Variants in SLC22A23 observed in about 807,000 individuals in gnomAD.
The protein encoded by SLC22A23 is ion transporter protein.
In SLC22A23, 26 loss-of-function variants were observed where a neutral mutation model predicts 61.0. The ratio of observed to expected loss-of-function variants is 0.43; its 90% CI spans 0.31 to 0.59. The LOEUF (loss-of-function observed/expected upper bound fraction) is 0.59. Among genes scored for constraint, SLC22A23 ranks in the 20% least tolerant of loss-of-function variants. SLC22A23 has a pLI of 0.11. For synonymous variants in SLC22A23, 430 were observed against 413.9 expected (o/e 1.04, Z -0.47); for missense variants, 796 against 934.7 (o/e 0.85, Z 1.94).
At chr6:3,293,041 G>A (rs1052801871) in intron 5 of SLC22A23, among the ~76,000 whole-genome samples, 11 of 152,202 alleles carry the variant, frequency 7.2e-5, no homozygotes, top group South Asian at 4.1e-4. Context: ...AGCAGAGGAC[G>A]CAGTGGCCAC....
intron 3 of SLC22A23, among the ~76,000 whole-genome samples, chr6:3,347,051 G>GA (rs1554142049): frequency 2.6e-5 from 4 of 150,956 alleles, no homozygotes; most frequent in Non-Finnish European, 5.9e-5. Flanking sequence ...CTTTCACAAC[G>GA]TTTTTTTTTA....
intron 5 of SLC22A23, among the ~76,000 whole-genome samples, chr6:3,295,294 G>C (rs9378777): frequency 0.33 from 49,512 of 151,902 alleles, 12,892 homozygotes; most frequent in African/African-American, 0.71. Flanking sequence ...GAGGAGCTGG[G>C]CAAGGCAAGA....
In SLC22A23 at chr6:3,285,089, G is replaced by A. The variant is rs772981259; in HGVS notation, c.1569C>T (p.His523=). ...GCGCTTGGGACTCACCTGAGTCTGG[G>A]TGCTGGCTGTACTTTCCAATCACTG... is the stretch of plus-strand genomic sequence containing the variant. ...LLNLIGKYSQ[H]PDSGMSDSVK... Residue 523 remains histidine, a synonymous_variant, in exon 8 of 10, where the codon CAC becomes CAT. Transcript: ENST00000406686. The A allele has an allele frequency of 6.2e-7, 1 of 1,613,384 alleles. No individual in the cohort carries two copies. Among genetic ancestry groups the A allele is most frequent in the South Asian group, 1.1e-5 (1 of 90,866 alleles).
intron 3 of SLC22A23, among the ~76,000 whole-genome samples, chr6:3,383,407 G>C (rs9503573): frequency 1.7e-3 from 255 of 152,362 alleles, no homozygotes; most frequent in African/African-American, 6.0e-3. Flanking sequence ...CGGGTAGTGA[G>C]TACATGAACG....
chr6:3,425,860 G>C (rs778501949), intron 1 of SLC22A23, among the ~76,000 whole-genome samples: 3 of 152,164 alleles, frequency 2.0e-5, no homozygotes, highest in Non-Finnish European at 2.9e-5. Flanking sequence ...TTGAAACTCA[G>C]GTTCTTTCCC....
rs1410469199 is a variant in SLC22A23, at chr6:3,330,187, C to T, written c.914-6185G>A. 6.6e-6 allele frequency among the ~76,000 whole-genome samples: 1 copy of T among 152,248 alleles called. No individual in the cohort carries two copies. Among genetic ancestry groups the T allele is most frequent in the Admixed American group, 6.5e-5 (1 of 15,290 alleles). On this transcript the variant is annotated intron_variant, in intron 3 of 9. Coordinates refer to ENST00000406686, the MANE Select transcript of SLC22A23 (RefSeq NM_015482.2). The surrounding 1 kb of genome is among the most constrained non-coding windows in gnomAD (Gnocchi z 4.7). The stretch of plus-strand genomic sequence containing the variant: ...CCTCTCCCAGCCCTCCTCCATCATC[C>T]AATAGACTAGAAGCCCATTTCCACC...
chr6:3,362,436 T>A (rs9328162), intron 3 of SLC22A23, among the ~76,000 whole-genome samples: 28,351 of 58,118 alleles, frequency 0.49, 8,489 homozygotes, highest in East Asian at 0.69. Context: ...AAATAAAAAA[T>A]AAAAATTAGC....
intron 1 of SLC22A23, among the ~76,000 whole-genome samples, chr6:3,429,530 CTA>C (rs1770722519): frequency 6.6e-6 from 1 of 152,160 alleles, no homozygotes; most frequent in South Asian, 2.1e-4. Flanking sequence ...ATGATTTACA[CTA>C]TGTTATCCTT....
In SLC22A23 at chr6:3,278,481, A is replaced by G. The variant is rs146117984; in HGVS notation, c.1704-5069T>C. On this transcript the variant is annotated intron_variant, in intron 9 of 9. Transcript: ENST00000406686. ...AGACACTCTGCATCTTTCTGTCACT[A>G]TTTGTTCATGTGCCTGTCACCTTAC... Among the ~76,000 whole-genome samples, 67 of 152,312 alleles carry G rather than the reference A, an allele frequency of 4.4e-4. 1 individual carries two copies. In the East Asian group the frequency reaches 0.01, roughly 23 times the overall value.
chr6:3,290,449 G>T (rs544799328), intron 5 of SLC22A23: 2 of 175,464 alleles, frequency 1.1e-5, no homozygotes, highest in East Asian at 1.6e-4. Context: ...ACACATCTGC[G>T]TGTATGTGTA....
At chr6:3,394,057 T>C (rs1233873434) in intron 3 of SLC22A23, among the ~76,000 whole-genome samples, 1 of 152,146 alleles carries the variant, frequency 6.6e-6, no homozygotes, top group Non-Finnish European at 1.5e-5. Context: ...GCAGAGAACA[T>C]GAAATAAGAT....
rs75467375 is a variant in SLC22A23 at position 3,384,153 on chromosome 6, T to C, written c.913+26035A>G. 1.2e-3 allele frequency among the ~76,000 whole-genome samples: 186 copies of C among 152,378 alleles called. 4 individuals carry two copies. In the East Asian group the frequency reaches 0.03, roughly 24 times the overall value. On this transcript the variant is annotated intron_variant, in intron 3 of 9. Coordinates refer to ENST00000406686, the MANE Select transcript of SLC22A23 (RefSeq NM_015482.2). ...CTACAAGCAGGAGAAAACATTTTTG[T>C]ATAAATTGACTTTTAGTACATTGAA...
chr6:3,337,511 T>C (rs1763925463), intron 3 of SLC22A23, among the ~76,000 whole-genome samples: 1 of 152,070 alleles, frequency 6.6e-6, no homozygotes, highest in South Asian at 2.1e-4. Context: ...TATTTGAAGC[T>C]TGGGAAAAAC....
At chr6:3,434,651 G>A (rs1227229397) in intron 1 of SLC22A23, among the ~76,000 whole-genome samples, 1 of 152,042 alleles carries the variant, frequency 6.6e-6, no homozygotes, top group Non-Finnish European at 1.5e-5. Flanking sequence ...TGGGTCCAAA[G>A]ACAGGGCAGA....
intron 4 of SLC22A23, among the ~76,000 whole-genome samples, chr6:3,316,289 G>T (rs911675458): frequency 6.6e-6 from 1 of 152,192 alleles, no homozygotes; most frequent in Non-Finnish European, 1.5e-5. Flanking sequence ...CCAACCTCTG[G>T]TTCCTTGGAT....
At chr6:3,413,958 C>G (rs796885810) in intron 2 of SLC22A23, among the ~76,000 whole-genome samples, 3 of 152,222 alleles carry the variant, frequency 2.0e-5, no homozygotes, top group Non-Finnish European at 4.4e-5. Context: ...AGAAAAGCAA[C>G]TGCAGAGAAA....
At chr6:3,365,056 C>T (rs569206673) in intron 3 of SLC22A23, among the ~76,000 whole-genome samples, 6 of 152,314 alleles carry the variant, frequency 3.9e-5, no homozygotes, top group Admixed American at 3.3e-4. Context: ...CAGTGGCTCA[C>T]GCCTGTAATC....
In SLC22A23 at chr6:3,318,936, T is replaced by G. The variant is rs754818729; in HGVS notation, c.1082+4898A>C. 1.3e-4 allele frequency among the ~76,000 whole-genome samples: 20 copies of G among 152,156 alleles called. No homozygotes were observed. Among genetic ancestry groups the G allele is most frequent in the Admixed American group, 4.6e-4 (7 of 15,274 alleles). On this transcript the variant is annotated intron_variant, in intron 4 of 9. Transcript: ENST00000406686. The surrounding 1 kb of genome is among the most constrained non-coding windows in gnomAD (Gnocchi z 4.3). ...TCAGCAAGTCTCACCAGGGCCACTCTCAAAGCATCTCTCGAATCAGCCCTC... is the reference window on the plus strand; with the variant it reads ...TCAGCAAGTCTCACCAGGGCCACTCGCAAAGCATCTCTCGAATCAGCCCTC...
intron 3 of SLC22A23, among the ~76,000 whole-genome samples, chr6:3,347,968 GTGTCATCATGGAGGCTTT>G (rs962293345): frequency 2.0e-5 from 3 of 152,156 alleles, no homozygotes; most frequent in Non-Finnish European, 2.9e-5. Context: ...GCGTGGTGAT[GTGTCATCATGGAGGCTTT>G]TGCTCTCCAC....
Sources: allele counts gnomAD v4.1 joint callset (sites outside exome capture counted in the v4.1 genomes callset), GRCh38; gene constraint gnomAD v4.1.1; non-coding constraint Gnocchi (gnomAD v3.1); transcripts MANE v1.5; gene names NCBI Gene and HGNC (gene_info 2026-07-23, HGNC 2026-07-21).